The following HM13 variants were observed in gnomAD, a reference collection of about 807,000 sequenced individuals.
The protein encoded by HM13 is signal peptide peptidase.
HM13 carries 18 observed loss-of-function variants against 50.0 expected under a neutral mutation model. That is an observed-to-expected ratio of 0.36 (90% CI 0.25 to 0.53). The LOEUF is 0.53. Among genes scored for constraint, HM13 ranks in the 20% least tolerant of loss-of-function variants. The probability of loss-of-function intolerance (pLI) is 0.90; values close to 1 mark genes in which losing one functional copy is unlikely to be tolerated. For missense variants in HM13, 393 were observed against 552.4 expected (o/e 0.71, Z 2.89); for synonymous variants, 197 against 232.6 (o/e 0.85, Z 1.39).
intron 4 of HM13, chr20:31,548,730 A>C: frequency 2.3e-6 from 1 of 430,418 alleles, no homozygotes. Context: ...TCACCCAGCT[A>C]CAAGTAACAA....
intron 3 of HM13, chr20:31,541,490 T>TAAAAAAAA (rs5841079): frequency 2.2e-5 from 3 of 136,784 alleles, no homozygotes; most frequent in African/African-American, 2.6e-5. Context: ...CTGAAAAATA[T>TAAAAAAAA]AAAAAAAAAA....
chr20:31,542,393 T>C (rs560640035), intron 3 of HM13, among the ~76,000 whole-genome samples: 3 of 152,232 alleles, frequency 2.0e-5, no homozygotes, highest in African/African-American at 7.2e-5. Flanking sequence ...GGAAGCCACA[T>C]CACCAGTTTC....
chr20:31,517,766 AGAATCCT>A (rs1206158533), intron 1 of HM13, among the ~76,000 whole-genome samples: 1 of 151,202 alleles, frequency 6.6e-6, no homozygotes, highest in Non-Finnish European at 1.5e-5. Context: ...TCTGGGGAAG[AGAATCCT>A]GAAAGCAATG....
chr20:31,561,451 A>G (rs1251363368), intron 9 of HM13, among the ~76,000 whole-genome samples, 183 bp from the exon 10 acceptor site: 8 of 152,226 alleles, frequency 5.3e-5, no homozygotes, highest in Admixed American at 4.6e-4. Flanking sequence ...AAGGAAAGCA[A>G]CTTGTCCAGA....
intron 11 of HM13, among the ~76,000 whole-genome samples, chr20:31,567,044 G>A (rs909587070): frequency 6.6e-6 from 1 of 152,062 alleles, no homozygotes; most frequent in Non-Finnish European, 1.5e-5. Context: ...AGGGCCTCCT[G>A]TGCACCTGGC....
intron 10 of HM13, chr20:31,562,413 G>A (rs1384976526): frequency 6.5e-6 from 1 of 152,844 alleles, no homozygotes; most frequent in African/African-American, 2.4e-5. Flanking sequence ...TTGTGAACAG[G>A]TGGGGAAACT....
chr20:31,565,025 G>C (rs1984823570), intron 10 of HM13, among the ~76,000 whole-genome samples: 1 of 151,900 alleles, frequency 6.6e-6, no homozygotes, highest in East Asian at 1.9e-4. Context: ...AATTAGCCGG[G>C]CATGGTGGCA....
intron 2 of HM13, among the ~76,000 whole-genome samples, chr20:31,534,889 T>C (rs1983024834): frequency 6.6e-6 from 1 of 151,614 alleles, no homozygotes; most frequent in Non-Finnish European, 1.5e-5. Context: ...ATCGAGACCA[T>C]CCTGGTAACA....
At chr20:31,551,389 ACTC>A (rs1482810201) in intron 7 of HM13, among the ~76,000 whole-genome samples, 1 of 151,984 alleles carries the variant, frequency 6.6e-6, no homozygotes, top group Non-Finnish European at 1.5e-5. Context: ...CCCAGCACTG[ACTC>A]CTCACATAGC....
chr20:31,560,464 G>C (rs949725447), intron 9 of HM13, among the ~76,000 whole-genome samples: 2 of 152,184 alleles, frequency 1.3e-5, no homozygotes, highest in Non-Finnish European at 2.9e-5. Flanking sequence ...TGAAACTTAG[G>C]TTTTTCCCAC....
chr20:31,550,246 C>G, intron 7 of HM13, 125 bp downstream of exon 7: 1 of 742,658 alleles, frequency 1.3e-6, no homozygotes, highest in Non-Finnish European at 2.4e-6. Context: ...CTGTGGCTCC[C>G]CAGCCTGGTT....
intron 11 of HM13, among the ~76,000 whole-genome samples, chr20:31,567,269 C>T (rs565340064): frequency 6.6e-6 from 1 of 152,292 alleles, no homozygotes; most frequent in Admixed American, 6.5e-5. Context: ...AGCTTAGCAC[C>T]CATCCTTCAC....
intron 12 of HM13, 142 bp downstream of exon 12, chr20:31,568,366 G>A (rs1985054055): frequency 2.5e-6 from 3 of 1,209,128 alleles, no homozygotes; most frequent in East Asian, 5.3e-5. Context: ...ACAACCACCA[G>A]GCAGTGGTTG....
At chr20:31,556,038 T>C (rs1285028457) in intron 8 of HM13, among the ~76,000 whole-genome samples, 1 of 146,734 alleles carries the variant, frequency 6.8e-6, no homozygotes, top group East Asian at 2.0e-4. Flanking sequence ...TATTTCTCCT[T>C]TTTTTTTTTT....
intron 10 of HM13, among the ~76,000 whole-genome samples, chr20:31,564,881 C>T (rs920529420): frequency 6.7e-6 from 1 of 149,370 alleles, no homozygotes; most frequent in African/African-American, 2.5e-5. Context: ...AGAAAAGAAA[C>T]TCGGCCAGGC....
chr20:31,558,053 G>A lies in HM13; in HGVS notation c.809-1558G>A, dbSNP rs528021291. On this transcript the variant is annotated intron_variant, in intron 8 of 12. Transcript: ENST00000398174. ...TTCCTTCAAGTAAATGAGACTCAGA[G>A]CCCAGAGCCCAGTAAGGGAGGCGAC... Among the ~76,000 whole-genome samples the A allele has an allele frequency of 1.1e-4, 16 of 152,316 alleles. No individual in the cohort carries two copies. In the South Asian group the frequency reaches 3.3e-3, roughly 32 times the overall value.
At chr20:31,555,853 C>G (rs1182957556) in intron 8 of HM13, among the ~76,000 whole-genome samples, 1 of 151,494 alleles carries the variant, frequency 6.6e-6, no homozygotes, top group Non-Finnish European at 1.5e-5. Flanking sequence ...GCCTGTAGTC[C>G]CAGCTACTCT....
At chr20:31,546,199 G>A (rs1401002372) in intron 4 of HM13, among the ~76,000 whole-genome samples, 3 of 151,954 alleles carry the variant, frequency 2.0e-5, no homozygotes, top group South Asian at 2.1e-4. Context: ...ACAGGCGCCC[G>A]CCACTACGCC....
At chr20:31,550,492 C>G (rs1292315276) in intron 7 of HM13, 1 of 207,220 alleles carries the variant, frequency 4.8e-6, no homozygotes, top group African/African-American at 2.3e-5. Context: ...GCTGTCTATC[C>G]CGTGCCTCTC....
Sources: allele counts gnomAD v4.1 joint callset (sites outside exome capture counted in the v4.1 genomes callset), GRCh38; gene constraint gnomAD v4.1.1; transcripts MANE v1.5; gene names NCBI Gene and HGNC (gene_info 2026-07-23, HGNC 2026-07-21).